NTM: variants seen among roughly 807,000 people sequenced by gnomAD.
The protein encoded by NTM is IgLON family member 2.
A neutral mutation model predicts 42.1 loss-of-function variants in NTM; 13 were observed. The ratio of observed to expected loss-of-function variants is 0.31; its 90% CI spans 0.20 to 0.49. The LOEUF (loss-of-function observed/expected upper bound fraction) is 0.49. NTM is among the 20% of genes least tolerant of loss of function. The pLI is 0.99. For synonymous variants in NTM, 187 were observed against 179.2 expected, an observed-to-expected ratio of 1.04 and a Z score of -0.35; for missense variants, 373 against 452.8, an observed-to-expected ratio of 0.82 and a Z score of 1.60.
chr11:132,105,279 GA>G (rs763955972), intron 2 of NTM, among the ~76,000 whole-genome samples: 126 of 151,978 alleles, frequency 8.3e-4, no homozygotes, highest in Non-Finnish European at 1.5e-3. Context: ...ATCTCCAGAT[GA>G]ATAAACTTGG....
intron 2 of NTM, among the ~76,000 whole-genome samples, chr11:132,043,028 G>T (rs1421341573): frequency 6.6e-6 from 1 of 152,164 alleles, no homozygotes; most frequent in East Asian, 1.9e-4. Flanking sequence ...AAGAGGCCTT[G>T]ATTAAAGTGG....
At chr11:131,754,350 C>T (rs1177888573) in intron 1 of NTM, among the ~76,000 whole-genome samples, 1 of 151,922 alleles carries the variant, frequency 6.6e-6, no homozygotes, top group African/African-American at 2.4e-5. Flanking sequence ...TGGGGCTGGG[C>T]GTGGTGGTGT....
chr11:132,200,103 G>C (rs1315396637), intron 3 of NTM, among the ~76,000 whole-genome samples: 2 of 152,120 alleles, frequency 1.3e-5, no homozygotes, highest in Non-Finnish European at 2.9e-5. Flanking sequence ...CATGCTAAAG[G>C]GGAAGGAGCT....
chr11:132,195,317 A>T (rs538258514), intron 3 of NTM, among the ~76,000 whole-genome samples: 1 of 152,280 alleles, frequency 6.6e-6, no homozygotes, highest in Non-Finnish European at 1.5e-5. Context: ...AAATCGAAAA[A>T]CATTTCATGC....
chr11:131,931,220 G>T (rs528730193), intron 2 of NTM, among the ~76,000 whole-genome samples: 1 of 152,174 alleles, frequency 6.6e-6, no homozygotes, highest in East Asian at 1.9e-4. Flanking sequence ...GGCTGAGGTG[G>T]GTGGATCACT....
chr11:131,876,213 G>A (rs1336263444), intron 1 of NTM, among the ~76,000 whole-genome samples: 1 of 152,216 alleles, frequency 6.6e-6, no homozygotes, highest in Non-Finnish European at 1.5e-5. Flanking sequence ...GGAGGCATAT[G>A]TGTGCTTCTC....
chr11:131,660,343 T>C, intron 1 of NTM: 1 of 378,700 alleles, frequency 2.6e-6, no homozygotes, highest in Non-Finnish European at 5.3e-6. Context: ...ATGGAGACCT[T>C]GGGTGAATTC....
At chr11:132,178,175 C>T (rs192060948) in intron 3 of NTM, among the ~76,000 whole-genome samples, 16 of 152,254 alleles carry the variant, frequency 1.1e-4, no homozygotes, top group Middle Eastern at 3.4e-3. Context: ...AGGCTGGCTC[C>T]GCAGGATCTC....
intron 1 of NTM, among the ~76,000 whole-genome samples, chr11:131,668,807 T>C (rs1435669853): frequency 6.6e-6 from 1 of 152,212 alleles, no homozygotes; most frequent in Non-Finnish European, 1.5e-5. Flanking sequence ...AGGTAAATGA[T>C]GCAAACGTTA....
chr11:131,726,333 C>T (rs924558499), intron 1 of NTM, among the ~76,000 whole-genome samples: 3 of 151,552 alleles, frequency 2.0e-5, no homozygotes, highest in East Asian at 1.9e-4. Context: ...GGTGGTTGCA[C>T]AAGTCAGTGT....
intron 1 of NTM, among the ~76,000 whole-genome samples, chr11:131,777,431 A>G (rs2087215035): frequency 7.1e-6 from 1 of 140,222 alleles, no homozygotes; most frequent in African/African-American, 2.6e-5. Context: ...TTTTATGAGT[A>G]CATCCCCCCC....
chr11:131,472,725 T>C (rs1392918817), intron 1 of NTM, among the ~76,000 whole-genome samples: 1 of 152,150 alleles, frequency 6.6e-6, no homozygotes, highest in East Asian at 1.9e-4. Context: ...TGTAATTTTA[T>C]ACCTTATAAT....
At chr11:131,560,667 A>T (rs922633273) in intron 1 of NTM, among the ~76,000 whole-genome samples, 1 of 152,216 alleles carries the variant, frequency 6.6e-6, no homozygotes, top group Admixed American at 6.5e-5. Context: ...CTTCATGAAA[A>T]ACCTTTAAGG....
At chr11:131,899,785 T>C (rs1259712212) in intron 1 of NTM, among the ~76,000 whole-genome samples, 1 of 152,212 alleles carries the variant, frequency 6.6e-6, no homozygotes, top group Non-Finnish European at 1.5e-5. Context: ...AGAGTTTTTT[T>C]ATTTTATTTT....
chr11:132,310,719 C>T (rs190731605), intron 6 of NTM, among the ~76,000 whole-genome samples: 2 of 152,220 alleles, frequency 1.3e-5, no homozygotes, highest in African/African-American at 2.4e-5. Flanking sequence ...CCCAATTTAG[C>T]CCTCCCTTTG....
chr11:131,603,666 C>T (rs2060676040), intron 1 of NTM, among the ~76,000 whole-genome samples: 1 of 152,150 alleles, frequency 6.6e-6, no homozygotes, highest in Non-Finnish European at 1.5e-5. Flanking sequence ...AATTATGTGC[C>T]CATTAACAAG....
At chr11:131,598,994 A>C (rs113744086) in intron 1 of NTM, among the ~76,000 whole-genome samples, 1 of 149,200 alleles carries the variant, frequency 6.7e-6, no homozygotes, top group Non-Finnish European at 1.5e-5. Context: ...GCTCACTTCA[A>C]CCTCTGCCTC....
chr11:131,987,301 C>T (rs1475241904), intron 2 of NTM, among the ~76,000 whole-genome samples: 1 of 152,168 alleles, frequency 6.6e-6, no homozygotes, highest in Non-Finnish European at 1.5e-5. Flanking sequence ...GACAAGTACA[C>T]ACATGCACAC....
chr11:131,566,226 G>A (rs187868258), intron 1 of NTM, among the ~76,000 whole-genome samples: 28 of 152,272 alleles, frequency 1.8e-4, no homozygotes, highest in Admixed American at 5.9e-4. Context: ...CTCCTCCAGC[G>A]CCACACTGAT....
Sources: allele counts gnomAD v4.1 joint callset (sites outside exome capture counted in the v4.1 genomes callset), GRCh38; gene constraint gnomAD v4.1.1; transcripts MANE v1.5; gene names NCBI Gene and HGNC (gene_info 2026-07-23, HGNC 2026-07-21).